CA5A: variants seen among roughly 807,000 people sequenced by gnomAD.
The protein encoded by CA5A is carbonic anhydrase 5A, mitochondrial.
CA5A carries 28 observed loss-of-function variants against 37.1 expected under a neutral mutation model. The observed-to-expected ratio is 0.75, with a 90% CI of 0.56 to 1.03. The LOEUF (loss-of-function observed/expected upper bound fraction) is 1.03, where lower values mean the gene tolerates loss of function less well. Among genes scored for constraint, CA5A ranks in the 50% least tolerant of loss-of-function variants. The pLI is 0.00. For synonymous variants in CA5A, 171 were observed against 158.4 expected, an observed-to-expected ratio of 1.08 and a Z score of -0.60; for missense variants, 444 against 399.9, an observed-to-expected ratio of 1.11 and a Z score of -0.94.
chr16:87,908,732 C>T (rs989864908), intron 2 of CA5A, among the ~76,000 whole-genome samples: 39 of 152,334 alleles, frequency 2.6e-4, no homozygotes, highest in Non-Finnish European at 4.6e-4. Flanking sequence ...CCAAGGGTTT[C>T]CAGCAGGGCT....
intron 5 of CA5A, chr16:87,892,823 T>G: frequency 7.0e-6 from 2 of 286,964 alleles, no homozygotes; most frequent in East Asian, 5.7e-5. Flanking sequence ...GCCCAGCTAA[T>G]TTTTGTATTT....
chr16:87,915,525 AATTTTTT>A (rs1286311429), intron 2 of CA5A, among the ~76,000 whole-genome samples: 20 of 107,182 alleles, frequency 1.9e-4, no homozygotes, highest in African/African-American at 6.9e-4. Context: ...CCTGTGTCAA[AATTTTTT>A]TTTTTTTTTT....
intron 2 of CA5A, 69 bp downstream of exon 2, chr16:87,926,679 C>A (rs566158836): frequency 1.6e-5 from 20 of 1,268,178 alleles, no homozygotes; most frequent in African/African-American, 8.8e-5. Flanking sequence ...CCCTTCTCCG[C>A]GAAGCTCTTG....
chr16:87,907,251 G>C lies in CA5A; in HGVS notation c.341-2347C>G, dbSNP rs114575061. ...AACACAGGCGTGAGCCACCGTGCCT[G>C]GCCTCCAAAACACAATCTAAGGAAC... On this transcript the variant is annotated intron_variant, in intron 2 of 6. Transcript: ENST00000649794. Among the ~76,000 whole-genome samples, 601 of 152,204 alleles carry C rather than the reference G, an allele frequency of 3.9e-3. 1 individual carries two copies. Among genetic ancestry groups the C allele is most frequent in the African/African-American group, 0.011 (455 of 41,538 alleles).
At chr16:87,932,723 A>C (rs993509951) in intron 1 of CA5A, among the ~76,000 whole-genome samples, 2 of 151,916 alleles carry the variant, frequency 1.3e-5, no homozygotes, top group Non-Finnish European at 2.9e-5. Flanking sequence ...GGAGGCCAGT[A>C]TTTGCCCCTA....
intron 1 of CA5A, among the ~76,000 whole-genome samples, chr16:87,935,418 G>A (rs1006975298): frequency 2.6e-5 from 4 of 152,168 alleles, no homozygotes; most frequent in Non-Finnish European, 5.9e-5. Context: ...GTTTAGGAGC[G>A]ATCGTGACTG....
intron 2 of CA5A, among the ~76,000 whole-genome samples, chr16:87,925,125 A>T (rs1388960553): frequency 6.6e-6 from 1 of 152,192 alleles, no homozygotes; most frequent in Admixed American, 6.5e-5. Context: ...GGCACGTGGG[A>T]CGCACCCGGG....
rs138136016 is a variant in CA5A, at chr16:87,917,475, T to A, written c.340+9273A>T. Reference sequence around the variant, plus strand: ...TGAGGACCAGAAAGCAGAGAAAATATCTGTAGAGAGAGAGGGGACACTGAC... The same window carrying A: ...TGAGGACCAGAAAGCAGAGAAAATAACTGTAGAGAGAGAGGGGACACTGAC... On this transcript the variant is annotated intron_variant, in intron 2 of 6. Transcript: ENST00000649794. Among the ~76,000 whole-genome samples the A allele has an allele frequency of 5.8e-3, 879 of 152,340 alleles. 9 individuals carry two copies. Among genetic ancestry groups the A allele is most frequent in the African/African-American group, 0.02 (832 of 41,578 alleles).
rs1300139723 is a variant in CA5A, at chr16:87,915,813, A to G, written c.341-10909T>C. ...CTGGCCCCTTCCCATAACCACATGT[A>G]TTTGGTAAGCTTTTGTTTTCAAAAT... On this transcript the variant is annotated intron_variant, in intron 2 of 6. Coordinates refer to ENST00000649794, the MANE Select transcript of CA5A (RefSeq NM_001739.2). Among the ~76,000 whole-genome samples the G allele has an allele frequency of 2.0e-5, 3 of 151,578 alleles. No individual in the cohort carries two copies. In the South Asian group the frequency reaches 6.2e-4, roughly 31 times the overall value.
chr16:87,901,280 T>G (rs2055873819), intron 5 of CA5A, among the ~76,000 whole-genome samples: 1 of 152,218 alleles, frequency 6.6e-6, no homozygotes, highest in Non-Finnish European at 1.5e-5. Flanking sequence ...GTTGTCCCAT[T>G]GGCAGGCAGA....
intron 6 of CA5A, among the ~76,000 whole-genome samples, chr16:87,891,126 A>G (rs1442348181): frequency 6.9e-6 from 1 of 145,812 alleles, no homozygotes; most frequent in African/African-American, 2.6e-5. Context: ...GTATACAAAT[A>G]TTATTAATTA....
At chr16:87,884,609 C>A (rs1250802666), downstream of CA5A, 1 of 152,222 alleles carries the variant, frequency 6.6e-6, no homozygotes, top group Non-Finnish European at 1.5e-5. Flanking sequence ...TGGCGGGCAC[C>A]TGTAATCCCA....
intron 1 of CA5A, among the ~76,000 whole-genome samples, chr16:87,927,778 G>A (rs1423167824): frequency 1.3e-5 from 2 of 151,078 alleles, no homozygotes; most frequent in Admixed American, 1.3e-4. Flanking sequence ...GGAGAATGGC[G>A]TGAACCCAGG....
At chr16:87,918,160 G>C (rs991885628) in intron 2 of CA5A, among the ~76,000 whole-genome samples, 2 of 152,182 alleles carry the variant, frequency 1.3e-5, no homozygotes, top group Non-Finnish European at 2.9e-5. Context: ...GCCTCGTTTG[G>C]ATTTATTTTG....
chr16:87,923,337 C>T (rs912243987), intron 2 of CA5A, among the ~76,000 whole-genome samples: 5 of 152,162 alleles, frequency 3.3e-5, no homozygotes, highest in African/African-American at 1.2e-4. Context: ...CACAGGTGTG[C>T]GCCACCAACC....
At chr16:87,893,437 C>A (rs2055754246) in intron 5 of CA5A, 1 of 526,798 alleles carries the variant, frequency 1.9e-6, no homozygotes, top group Non-Finnish European at 3.7e-6. Flanking sequence ...TGCCTGGAGA[C>A]ATTTCTACTG....
In CA5A at chr16:87,916,181, AC is replaced by A. The variant is rs869166321; in HGVS notation, c.340+10566del. On this transcript the variant is annotated intron_variant, in intron 2 of 6. Coordinates refer to ENST00000649794, the MANE Select transcript of CA5A (RefSeq NM_001739.2). ...AGACTCCGTCTCAAAAAAAAAAAAA[AC>A]AAAAAACCATCGGATTGGCTGAGTG... Among the ~76,000 whole-genome samples, 995 of 139,080 alleles carry A rather than the reference AC, an allele frequency of 7.2e-3. 29 individuals carry two copies. Among genetic ancestry groups the A allele is most frequent in the African/African-American group, 0.023 (926 of 39,904 alleles). The allele number at this position is 139,080 out of a possible 152,430, so 91.2% of individuals were successfully genotyped here. A position where few individuals can be genotyped will look rare whatever the true frequency, so the allele number is the denominator to read the frequency against.
chr16:87,926,918 GAGACC>G lies in CA5A; in HGVS notation c.165_169del (p.Val56ArgfsTer11). 1.3e-6 allele frequency: 2 copies of G among 1,595,418 alleles called. No individual in the cohort carries two copies. Among genetic ancestry groups the G allele is most frequent in the Non-Finnish European group, 1.7e-6 (2 of 1,169,936 alleles). ...AGACTGCCGGGTGCCCCCTGGCACGGAGACCGGGACCGTCCAGAGTGGGTGCACTG... is the reference window on the plus strand; with the variant it reads ...AGACTGCCGGGTGCCCCCTGGCACGGGGGACCGTCCAGAGTGGGTGCACTG... On this transcript the variant is annotated frameshift_variant, in exon 2 of 7. Coordinates refer to ENST00000649794, the MANE Select transcript of CA5A (RefSeq NM_001739.2). LOFTEE classifies it high-confidence loss of function.
At chr16:87,900,028 G>A (rs1439540642) in intron 5 of CA5A, among the ~76,000 whole-genome samples, 4 of 150,426 alleles carry the variant, frequency 2.7e-5, no homozygotes, top group Admixed American at 6.6e-5. Flanking sequence ...GTCCGCGGTG[G>A]CACTTCCTCC....
Sources: gnomAD v4.1 joint callset for allele counts (sites outside exome capture counted in the v4.1 genomes callset) on GRCh38, gnomAD v4.1.1 for gene constraint, MANE v1.5 for transcripts, NCBI Gene and HGNC (gene_info 2026-07-23, HGNC 2026-07-21) for gene names.